The following HOXC4 variants were observed in gnomAD, a reference collection of about 807,000 sequenced individuals.
The protein encoded by HOXC4 is homeobox C4.
A neutral mutation model predicts 25.5 loss-of-function variants in HOXC4; 15 were observed. That is an observed-to-expected ratio of 0.59 (90% CI 0.39 to 0.91). The LOEUF (loss-of-function observed/expected upper bound fraction) is 0.91. HOXC4 is among the 40% of genes least tolerant of loss of function. HOXC4 has a pLI of 0.00. For synonymous variants in HOXC4, 165 were observed against 148.0 expected (o/e 1.11, Z -0.83); for missense variants, 342 against 352.4 (o/e 0.97, Z 0.24).
chr12:54,034,726 C>T (rs1941136264), intron 1 of HOXC4: 2 of 528,770 alleles, frequency 3.8e-6, no homozygotes, highest in Admixed American at 6.4e-5. Context: ...AGCTCGGTAC[C>T]CGGGGCCCAG....
chr12:54,018,219 A>C (rs1024988262), intron 1 of HOXC4, among the ~76,000 whole-genome samples: 1 of 152,288 alleles, frequency 6.6e-6, no homozygotes, highest in South Asian at 2.1e-4. Flanking sequence ...AAAGAGGCCT[A>C]CCGGCTTTCC....
chr12:54,036,401 C>T (rs961350410), intron 1 of HOXC4, among the ~76,000 whole-genome samples: 2 of 151,986 alleles, frequency 1.3e-5, no homozygotes, highest in South Asian at 4.2e-4. Flanking sequence ...TGGGGAGGGG[C>T]AGGGGAATAT....
intron 1 of HOXC4, among the ~76,000 whole-genome samples, chr12:54,019,511 T>C (rs1217950095): frequency 6.6e-6 from 1 of 152,176 alleles, no homozygotes; most frequent in African/African-American, 2.4e-5. Context: ...GTGAGGCCTC[T>C]ATTTCTCTCT....
At chr12:54,050,897 C>T (rs74445589), upstream of HOXC4, among the ~76,000 whole-genome samples, 2,118 of 152,152 alleles carry the variant, frequency 0.014, 66 homozygotes, top group African/African-American at 0.048. Context: ...ATAGTGTGCA[C>T]GCATATATGT....
At position 54,034,503 on chromosome 12, in the gene HOXC4, G is replaced by A. The variant is rs767865645; in HGVS notation, c.-124+17089G>A. On this transcript the variant is annotated intron_variant, in intron 1 of 3. Coordinates refer to the HOXC4 transcript ENST00000303406. ...AAAGAGGCTCTTTAGAGGCAGCGGG[G>A]GAGGCCCGCAGAGCGCGCCCCTAGC... The A allele has an allele frequency of 1.9e-6, 3 of 1,609,458 alleles. No homozygotes were observed. In the African/African-American group the frequency reaches 4.0e-5, roughly 22 times the overall value.
Position 54,055,105 on chromosome 12 carries a change from CCAGCACCCTTT to C in HOXC4, c.697_707del (p.Ser233GlyfsTer8). 6.2e-7 allele frequency: 1 copy of C among 1,613,338 alleles called. No homozygotes were observed. Among genetic ancestry groups the C allele is most frequent in the Non-Finnish European group, 8.5e-7 (1 of 1,179,850 alleles). On this transcript the variant is annotated frameshift_variant, in exon 2 of 2. Transcript: ENST00000430889. LOFTEE classifies it high-confidence loss of function. ...TCAGCACCCCCGGCCGGCGCTGCGCCCAGCACCCTTTCGGCAGCTACCCCGGGTACTTCTGA... is the reference window on the plus strand; with the variant it reads ...TCAGCACCCCCGGCCGGCGCTGCGCCCGGCAGCTACCCCGGGTACTTCTGA...
chr12:54,034,690 T>C, intron 1 of HOXC4: 1 of 574,162 alleles, frequency 1.7e-6, no homozygotes, highest in South Asian at 2.0e-5. Flanking sequence ...CTGTCGGCGC[T>C]GCCCCATCTC....
intron 1 of HOXC4, chr12:54,029,930 G>T (rs777858592): frequency 1.7e-5 from 27 of 1,596,094 alleles, no homozygotes; most frequent in Non-Finnish European, 2.1e-5. Flanking sequence ...GGAAAAGCGG[G>T]AAGAGACAGA....
At chr12:54,044,087 G>A (rs1010204399) in intron 1 of HOXC4, among the ~76,000 whole-genome samples, 4 of 152,000 alleles carry the variant, frequency 2.6e-5, no homozygotes, top group African/African-American at 9.7e-5. Flanking sequence ...TGGGAGTAAA[G>A]ACAGGGTCAT....
chr12:54,054,285 C>T lies in HOXC4; in HGVS notation c.363C>T (p.Ala121=). ...CCCCGCCAGCCTGCAGCCAGCCAGC[C>T]CCCGACCATCCCTCCAGCGCCGCCA... ...SPAPPACSQP[A]PDHPSSAASK... is the part of the protein sequence containing the mutation. The change falls in exon 1 of 2, where the codon GCC becomes GCT. Residue 121 remains alanine (A), a synonymous_variant. Transcript: ENST00000430889. 6.2e-7 allele frequency: 1 copy of T among 1,608,482 alleles called. No individual in the cohort carries two copies. The highest frequency in any genetic ancestry group is 8.5e-7 in the Non-Finnish European group (1 of 1,177,010).
upstream of HOXC4, among the ~76,000 whole-genome samples, chr12:54,049,176 T>G (rs1937786134): frequency 6.6e-6 from 1 of 152,194 alleles, no homozygotes; most frequent in Non-Finnish European, 1.5e-5. Flanking sequence ...ATCAGATTCG[T>G]TAGCCCAGGG....
intron 1 of HOXC4, among the ~76,000 whole-genome samples, chr12:54,022,872 G>A (rs188336252): frequency 8.9e-4 from 136 of 152,162 alleles, no homozygotes; most frequent in Admixed American, 8.6e-3. Context: ...CATGTGGAGG[G>A]GTATAGAAGA....
intron 1 of HOXC4, among the ~76,000 whole-genome samples, chr12:54,042,912 G>A (rs1294793684): frequency 1.3e-5 from 2 of 152,198 alleles, no homozygotes; most frequent in African/African-American, 2.4e-5. Context: ...CCAAGGAATT[G>A]CCAGACAAGG....
chr12:54,053,891 G>A lies in HOXC4; in HGVS notation c.-32G>A, dbSNP rs763338921. 5 of 1,558,484 alleles carry A rather than the reference G, an allele frequency of 3.2e-6. No individual in the cohort carries two copies. The highest frequency in any genetic ancestry group is 1.4e-5 in the African/African-American group (1 of 73,752). On this transcript the variant is annotated 5_prime_UTR_variant, in exon 1 of 2. Transcript: ENST00000430889. ...CTTTATGGAGCAGAAAAACGACAAA[G>A]CGAGAAAAATTATTTTCCACTCCAG... is the stretch of plus-strand genomic sequence containing the variant.
At chr12:54,043,938 G>A (rs1342514541) in intron 1 of HOXC4, among the ~76,000 whole-genome samples, 1 of 136,434 alleles carries the variant, frequency 7.3e-6, no homozygotes, top group African/African-American at 2.9e-5. Flanking sequence ...GTGTGTGTGT[G>A]TGTGTGTGTG....
intron 1 of HOXC4, chr12:54,029,790 G>T: frequency 6.2e-7 from 1 of 1,614,082 alleles, no homozygotes; most frequent in Non-Finnish European, 8.5e-7. Flanking sequence ...AACGCGCTTT[G>T]CCTGACCGAG....
chr12:54,040,483 C>A (rs1941254815), intron 1 of HOXC4, among the ~76,000 whole-genome samples: 1 of 152,306 alleles, frequency 6.6e-6, no homozygotes, highest in South Asian at 2.1e-4. Flanking sequence ...TCTGTCAGTC[C>A]CTGAACCAAC....
chr12:54,045,587 AACTT>A (rs2136460141), intron 1 of HOXC4, among the ~76,000 whole-genome samples: 2 of 152,300 alleles, frequency 1.3e-5, no homozygotes, highest in South Asian at 4.2e-4. Flanking sequence ...TTTGCTGAAA[AACTT>A]ACATGTTTGA....
At chr12:54,032,734 C>G (rs988607087) in intron 1 of HOXC4, 2 of 162,778 alleles carry the variant, frequency 1.2e-5, no homozygotes, top group Admixed American at 1.2e-4. Flanking sequence ...TGCAATTCCC[C>G]CACATAGGCA....
Sources: gnomAD v4.1 joint callset for allele counts (sites outside exome capture counted in the v4.1 genomes callset) on GRCh38, gnomAD v4.1.1 for gene constraint, MANE v1.5 for transcripts, NCBI Gene and HGNC (gene_info 2026-07-23, HGNC 2026-07-21) for gene names.